Variants in CEP72 observed in about 807,000 individuals in gnomAD.
CEP72 encodes the protein centrosomal protein 72.
Under a neutral mutation model 65.7 loss-of-function variants are expected in CEP72, and 78 were observed. The ratio of observed to expected loss-of-function variants is 1.19; its 90% CI spans 0.99 to 1.43. The LOEUF is 1.43. CEP72 is among the 40% of genes most tolerant of loss of function. The pLI, the probability that CEP72 is intolerant of heterozygous loss-of-function variation, is 0.00. For missense variants in CEP72, 914 were observed against 832.9 expected (o/e 1.10, Z -1.20); for synonymous variants, 358 against 351.7 (o/e 1.02, Z -0.20).
At chr5:649,567 G>A (rs549939802) in intron 11 of CEP72, among the ~76,000 whole-genome samples, 85 of 125,048 alleles carry the variant, frequency 6.8e-4, no homozygotes, top group Non-Finnish European at 1.2e-4. Flanking sequence ...TGACTGTGAG[G>A]CGTGGACTGT....
chr5:617,722 G>C (rs900027818), intron 1 of CEP72, among the ~76,000 whole-genome samples: 1 of 152,182 alleles, frequency 6.6e-6, no homozygotes, highest in Non-Finnish European at 1.5e-5. Flanking sequence ...GGTTTTAGCC[G>C]GATGTGGTGG....
At chr5:635,058 G>A (rs1027866785) in intron 5 of CEP72, among the ~76,000 whole-genome samples, 12 of 152,120 alleles carry the variant, frequency 7.9e-5, no homozygotes, top group Admixed American at 7.9e-4. Context: ...ACCACACCCA[G>A]CTAATTTTGT....
At chr5:666,016 AC>A in exon 4 of CEP72, 1 of 1,594,096 alleles carries the variant, frequency 6.3e-7, no homozygotes, top group Non-Finnish European at 8.5e-7. Flanking sequence ...GAGCCTGTGC[AC>A]CTCGCGAACG....
At position 628,689 on chromosome 5, in the gene CEP72, C is replaced by T. The variant is rs1456730088; in HGVS notation, c.512+4110C>T. ...GCTTCTGGAGAACTCAGGTCACAGG[C>T]CCCGGGGAGTGTTCCCAGGACCCAG... On this transcript the variant is annotated intron_variant, in intron 4 of 11. Transcript: ENST00000264935. 8.1e-4 allele frequency among the ~76,000 whole-genome samples: 38 copies of T among 46,732 alleles called. 9 individuals carry two copies. Among genetic ancestry groups the T allele is most frequent in the African/African-American group, 1.1e-3 (17 of 14,966 alleles). 30.7% of individuals were successfully genotyped at this position (46,732 alleles called of 152,430 possible).
rs1330510236 is a variant in CEP72 at position 645,793 on chromosome 5, A to T, written c.1666+1368A>T. On this transcript the variant is annotated intron_variant, in intron 10 of 11. Transcript: ENST00000264935. The surrounding 1 kb of genome is among the most constrained non-coding windows in gnomAD (Gnocchi z 4.0). Reference sequence around the variant, plus strand: ...GGTCTTAAATGTATGCATAGCTCCCATTTATTTTAGTGTTTAATGTTAGAG... The same window carrying T: ...GGTCTTAAATGTATGCATAGCTCCCTTTTATTTTAGTGTTTAATGTTAGAG... Among the ~76,000 whole-genome samples the T allele has an allele frequency of 6.6e-6, 1 of 152,178 alleles. No individual in the cohort carries two copies. The highest frequency in any genetic ancestry group is 1.5e-5 in the Non-Finnish European group (1 of 68,040).
intron 9 of CEP72, chr5:643,363 A>G (rs1019127987): frequency 1.0e-6 from 1 of 985,354 alleles, no homozygotes; most frequent in African/African-American, 1.7e-5. Flanking sequence ...GCGCCACTGC[A>G]GCAGACACCT....
chr5:641,781 C>G (rs1259482967), intron 9 of CEP72: 2 of 984,498 alleles, frequency 2.0e-6, no homozygotes, highest in East Asian at 1.2e-4. Flanking sequence ...CGTGGTCCCC[C>G]GTCTAGAAGC....
intron 1 of CEP72, among the ~76,000 whole-genome samples, chr5:614,444 A>ATTT (rs11350475): frequency 2.3e-4 from 22 of 93,810 alleles, no homozygotes; most frequent in African/African-American, 5.5e-4. Flanking sequence ...TGACCTGTGA[A>ATTT]TTTTTTTTTT....
chr5:644,568 T>G, intron 10 of CEP72, 143 bp downstream of exon 10: 2 of 946,768 alleles, frequency 2.1e-6, no homozygotes, highest in Non-Finnish European at 1.6e-6. Flanking sequence ...CCTGCCTCAC[T>G]GGCTGGGGTG....
downstream of CEP72, among the ~76,000 whole-genome samples, chr5:670,229 CTG>C (rs1346140373): frequency 6.6e-6 from 1 of 152,164 alleles, no homozygotes; most frequent in Non-Finnish European, 1.5e-5. Context: ...GGGCTCGGGA[CTG>C]TGCATCCAGC....
At chr5:650,049 CTG>C (rs1251837568) in intron 11 of CEP72, among the ~76,000 whole-genome samples, 7 of 77,750 alleles carry the variant, frequency 9.0e-5, no homozygotes, top group African/African-American at 3.7e-4. Context: ...GAGGCGTGGA[CTG>C]TGAGGTGTGA....
chr5:644,388 T>G lies in CEP72; in HGVS notation c.1629T>G (p.Ser543Arg). Residue 543 changes from serine to arginine, a missense_variant, in exon 10 of 12, where the codon AGT (serine) becomes AGG (arginine). Coordinates refer to ENST00000264935, the MANE Select transcript of CEP72 (RefSeq NM_018140.4). ...TGAGTATGAAAAAGGAAGTGAAGAG[T>G]GCAGACACTGCAGCCACGTTAAATT... ...LLLSMKKEVK[S>R]ADTAATLNLQ... 6.2e-7 allele frequency: 1 copy of G among 1,613,830 alleles called. No individual in the cohort carries two copies. The highest frequency in any genetic ancestry group is 1.1e-5 in the South Asian group (1 of 91,070).
downstream of CEP72, among the ~76,000 whole-genome samples, chr5:667,700 T>G (rs1393783687): frequency 6.6e-6 from 1 of 151,002 alleles, no homozygotes; most frequent in Non-Finnish European, 1.5e-5. Context: ...AACTCAGCAG[T>G]AAGAAAAAAA....
chr5:661,907 G>A (rs1739627307), downstream of CEP72: 1 of 152,388 alleles, frequency 6.6e-6, no homozygotes, highest in East Asian at 1.9e-4. Context: ...GAGGGCCGCT[G>A]GGGGAGGGCG....
At chr5:648,875 TG>T (rs1738664473) in intron 11 of CEP72, among the ~76,000 whole-genome samples, 1 of 96,450 alleles carries the variant, frequency 1.0e-5, no homozygotes, top group Non-Finnish European at 2.1e-5. Context: ...GAGGTGTGAC[TG>T]TGAGGTGTGA....
At chr5:646,806 A>T (rs1738457687) in intron 10 of CEP72, among the ~76,000 whole-genome samples, 1 of 152,150 alleles carries the variant, frequency 6.6e-6, no homozygotes, top group African/African-American at 2.4e-5. Flanking sequence ...ACGGCCACCC[A>T]CTGCTGACGG....
chr5:652,676 C>T (rs1240752706), intron 11 of CEP72, among the ~76,000 whole-genome samples: 1 of 152,230 alleles, frequency 6.6e-6, no homozygotes, highest in Admixed American at 6.5e-5. Flanking sequence ...TCTCATAAAA[C>T]CATGCGTAGC....
rs373500035 is a variant in CEP72, at chr5:637,851, G to A, written c.1206+33G>A. 3.4e-4 allele frequency: 506 copies of A among 1,484,070 alleles called. 1 individual carries two copies. Among genetic ancestry groups the A allele is most frequent in the Middle Eastern group, 7.3e-4 (3 of 4,102 alleles). 91.9% of individuals were successfully genotyped at this position (1,484,070 alleles called of 1,614,324 possible). A position where few individuals can be genotyped will look rare whatever the true frequency, so the allele number is the denominator to read the frequency against. On this transcript the variant is annotated intron_variant, in intron 7 of 11. Transcript: ENST00000264935. ...AAGGGCTGGGGAGCAGCAGGCCCAC[G>A]GCACTGCCTCCCTAATGTGGGGCTG...
At chr5:668,401 G>A (rs189999109), downstream of CEP72, among the ~76,000 whole-genome samples, 488 of 115,588 alleles carry the variant, frequency 4.2e-3, 48 homozygotes, top group African/African-American at 0.017. Context: ...GGGAAGTACC[G>A]ACAAGCACAC....
Sources: gnomAD v4.1 joint callset for allele counts (sites outside exome capture counted in the v4.1 genomes callset) on GRCh38, gnomAD v4.1.1 for gene constraint, Gnocchi (gnomAD v3.1) non-coding constraint, MANE v1.5 for transcripts, NCBI Gene and HGNC (gene_info 2026-07-23, HGNC 2026-07-21) for gene names.